ADGRL3: variants seen among roughly 807,000 people sequenced by gnomAD.
ADGRL3 encodes the protein adhesion G protein-coupled receptor L3, also known as calcium-independent alpha-latrotoxin receptor 3.
In ADGRL3, 62 loss-of-function variants were observed where a neutral mutation model predicts 153.5. The ratio of observed to expected loss-of-function variants is 0.40; its 90% CI spans 0.33 to 0.50. The LOEUF is 0.50. Ranked by LOEUF, ADGRL3 falls within the 20% of genes least tolerant of loss-of-function variation. The pLI, the probability that ADGRL3 is intolerant of heterozygous loss-of-function variation, is 0.47. For missense variants in ADGRL3, 1,641 were observed against 1,859.4 expected, an observed-to-expected ratio of 0.88 and a Z score of 2.16; for synonymous variants, 710 against 672.5, an observed-to-expected ratio of 1.06 and a Z score of -0.86.
At chr4:62,067,069 C>CT (rs1419481109) in intron 25 of ADGRL3, among the ~76,000 whole-genome samples, 1 of 152,082 alleles carries the variant, frequency 6.6e-6, no homozygotes, top group African/African-American at 2.4e-5. Context: ...TGGCTTGGCC[C>CT]TTCCTTTCAA....
chr4:61,276,621 T>C (rs980085237), intron 1 of ADGRL3, among the ~76,000 whole-genome samples: 9 of 152,202 alleles, frequency 5.9e-5, no homozygotes, highest in African/African-American at 2.2e-4. Flanking sequence ...CTAATTCATT[T>C]TTGTCAATTA....
intron 1 of ADGRL3, among the ~76,000 whole-genome samples, chr4:61,234,643 G>T (rs756769602): frequency 6.6e-6 from 1 of 152,176 alleles, no homozygotes; most frequent in Non-Finnish European, 1.5e-5. Flanking sequence ...AGCCTGGAGG[G>T]TTGGTCGGAG....
At chr4:61,536,628 A>G (rs1174879834) in intron 4 of ADGRL3, among the ~76,000 whole-genome samples, 1 of 152,056 alleles carries the variant, frequency 6.6e-6, no homozygotes, top group African/African-American at 2.4e-5. Flanking sequence ...ACCCTTTATC[A>G]TTATATAATG....
intron 2 of ADGRL3, among the ~76,000 whole-genome samples, chr4:61,452,915 A>G (rs547471017): frequency 6.6e-6 from 1 of 152,136 alleles, no homozygotes; most frequent in South Asian, 2.1e-4. Context: ...TATTGTATAG[A>G]CTAGTTAGGA....
intron 2 of ADGRL3, 124 bp downstream of exon 2, chr4:61,383,313 T>G (rs2096694341): frequency 1.3e-5 from 2 of 151,776 alleles, no homozygotes; most frequent in South Asian, 4.1e-4. Context: ...TTGTAATGTG[T>G]TACTAAAATG....
At chr4:61,889,117 A>C (rs1294026204) in intron 9 of ADGRL3, among the ~76,000 whole-genome samples, 1 of 152,124 alleles carries the variant, frequency 6.6e-6, no homozygotes, top group East Asian at 1.9e-4. Context: ...CTGAGAGCTC[A>C]TTTACTCCTA....
chr4:61,393,825 C>A lies in ADGRL3; in HGVS notation c.-174+10636C>A, dbSNP rs568441721. 3.9e-5 allele frequency among the ~76,000 whole-genome samples: 6 copies of A among 152,002 alleles called. No individual in the cohort carries two copies. The East Asian group carries it at 9.7e-4, about 25-fold the overall frequency. ...AATTTTAATTTACTTTAAAATAAAT[C>A]ATTTATTTAGTACATATTGTATTAG... On this transcript the variant is annotated intron_variant, in intron 2 of 26. Coordinates refer to ENST00000683033, the MANE Select transcript of ADGRL3 (RefSeq NM_001387552.1).
chr4:61,367,055 T>C (rs2096411186), intron 1 of ADGRL3, among the ~76,000 whole-genome samples: 1 of 152,206 alleles, frequency 6.6e-6, no homozygotes, highest in Non-Finnish European at 1.5e-5. Context: ...AGTTTGCCTT[T>C]TATGTAATTT....
At position 61,948,196 on chromosome 4, in the gene ADGRL3, A is replaced by G; in HGVS notation, c.2725A>G (p.Thr909Ala). 1.2e-6 allele frequency: 2 copies of G among 1,613,862 alleles called. No homozygotes were observed. Among genetic ancestry groups the G allele is most frequent in the East Asian group, 2.2e-5 (1 of 44,858 alleles). ...YWSTQGCRLL[T>A]TNKTHTTCSC... is the part of the protein sequence containing the mutation. ...GTCAACACAAGGCTGTCGGCTCCTGACAACAAATAAGACACATACTACATG... is the reference window on the plus strand; with the variant it reads ...GTCAACACAAGGCTGTCGGCTCCTGGCAACAAATAAGACACATACTACATG... The change falls in exon 17 of 27, where the codon ACA becomes GCA. Residue 909 changes from threonine (T) to alanine (A), a missense_variant. Thr to Ala is a moderately conservative substitution (Grantham distance 58). Transcript: ENST00000683033.
chr4:62,042,126 A>G (rs1282180171), intron 24 of ADGRL3, among the ~76,000 whole-genome samples: 1 of 152,146 alleles, frequency 6.6e-6, no homozygotes, highest in Non-Finnish European at 1.5e-5. Flanking sequence ...CATATATAAT[A>G]TACATACACT....
chr4:61,862,487 A>G (rs956408798), intron 9 of ADGRL3, among the ~76,000 whole-genome samples: 4 of 152,156 alleles, frequency 2.6e-5, no homozygotes, highest in Non-Finnish European at 5.9e-5. Flanking sequence ...GGACCGGGAT[A>G]TTATGCTGAA....
At chr4:61,815,193 T>C (rs1252323288) in intron 9 of ADGRL3, among the ~76,000 whole-genome samples, 5 of 152,164 alleles carry the variant, frequency 3.3e-5, no homozygotes, top group African/African-American at 9.7e-5. Flanking sequence ...TTGTGCTGGA[T>C]GCACAGTAAA....
chr4:61,539,880 C>A lies in ADGRL3; in HGVS notation c.259+22362C>A, dbSNP rs576721280. On this transcript the variant is annotated intron_variant, in intron 4 of 26. Transcript: ENST00000683033. Reference sequence around the variant, plus strand: ...TCTCTGCCAGAGCCTTTCTGCTTCCCTTTTCTGTGCCCTGACTTCTTCCCA... The same window carrying A: ...TCTCTGCCAGAGCCTTTCTGCTTCCATTTTCTGTGCCCTGACTTCTTCCCA... 2.8e-4 allele frequency among the ~76,000 whole-genome samples: 43 copies of A among 152,232 alleles called. No homozygotes were observed. In the South Asian group the frequency reaches 8.7e-3, roughly 31 times the overall value.
intron 1 of ADGRL3, among the ~76,000 whole-genome samples, chr4:61,352,983 G>A (rs531158429): frequency 2.0e-5 from 3 of 152,216 alleles, no homozygotes; most frequent in South Asian, 2.1e-4. Flanking sequence ...TGAATAGAAA[G>A]GAACTTAGTC....
intron 5 of ADGRL3, among the ~76,000 whole-genome samples, chr4:61,657,904 C>T (rs188893989): frequency 1.3e-5 from 2 of 152,278 alleles, no homozygotes; most frequent in Non-Finnish European, 2.9e-5. Flanking sequence ...AGGAGTGCTT[C>T]TATCTGCCCC....
intron 9 of ADGRL3, among the ~76,000 whole-genome samples, chr4:61,847,600 TATATA>T (rs1211576628): frequency 5.0e-5 from 4 of 80,094 alleles, no homozygotes; most frequent in East Asian, 3.5e-4. Flanking sequence ...ATATATATAA[TATATA>T]ATATATTATA....
At chr4:61,990,822 C>T (rs1225746481) in intron 19 of ADGRL3, among the ~76,000 whole-genome samples, 2 of 151,634 alleles carry the variant, frequency 1.3e-5, no homozygotes, top group Non-Finnish European at 2.9e-5. Flanking sequence ...GTCAGGTAGA[C>T]TAGAATAAAA....
At chr4:61,824,741 G>GCA (rs1396429759) in intron 9 of ADGRL3, among the ~76,000 whole-genome samples, 2 of 152,002 alleles carry the variant, frequency 1.3e-5, no homozygotes, top group Non-Finnish European at 2.9e-5. Context: ...ATGCATATAT[G>GCA]CACACACACA....
chr4:61,537,518 G>A (rs1051819722), intron 4 of ADGRL3, among the ~76,000 whole-genome samples: 2 of 151,866 alleles, frequency 1.3e-5, no homozygotes, highest in Non-Finnish European at 2.9e-5. Context: ...ACAAGTAATA[G>A]GTTTGGTCAC....
Sources: allele counts gnomAD v4.1 joint callset (sites outside exome capture counted in the v4.1 genomes callset), GRCh38; gene constraint gnomAD v4.1.1; transcripts MANE v1.5; gene names NCBI Gene and HGNC (gene_info 2026-07-23, HGNC 2026-07-21).